The following SV2C variants were observed in gnomAD, a reference collection of about 807,000 sequenced individuals.
The protein encoded by SV2C is solute carrier family 22 member B3.
SV2C carries 49 observed loss-of-function variants against 79.7 expected under a neutral mutation model. That is an observed-to-expected ratio of 0.61 (90% CI 0.49 to 0.78). The LOEUF is 0.78. Ranked by LOEUF, SV2C falls within the 30% of genes least tolerant of loss-of-function variation. The probability of loss-of-function intolerance (pLI) is 0.00; values close to 1 mark genes in which losing one functional copy is unlikely to be tolerated. For missense variants in SV2C, 833 were observed against 912.9 expected, an observed-to-expected ratio of 0.91 and a Z score of 1.13; for synonymous variants, 334 against 333.2, an observed-to-expected ratio of 1.00 and a Z score of -0.03.
chr5:76,340,229 C>T (rs542654874), intron 12 of SV2C, among the ~76,000 whole-genome samples: 1 of 152,206 alleles, frequency 6.6e-6, no homozygotes, highest in Non-Finnish European at 1.5e-5. Context: ...TCCCAGAAAA[C>T]TAATGAATAA....
chr5:76,159,815 G>C (rs537332286), intron 2 of SV2C, among the ~76,000 whole-genome samples: 4 of 152,046 alleles, frequency 2.6e-5, no homozygotes, highest in Non-Finnish European at 5.9e-5. Context: ...TTCTGAGGTA[G>C]TGGGAGTTAA....
In SV2C at chr5:76,342,123, G is replaced by A. The variant is rs561024258; in HGVS notation, c.2001-11007G>A. On this transcript the variant is annotated intron_variant, in intron 12 of 12. Transcript: ENST00000322285. ...GAGGGCCTCTGGCAGCCAGAAAGAG[G>A]AGGAAGGAGAGAAGGAAGGGGAAGT... 5.1e-4 allele frequency among the ~76,000 whole-genome samples: 77 copies of A among 152,288 alleles called. 1 individual carries two copies. The highest frequency in any genetic ancestry group is 1.7e-3 in the African/African-American group (72 of 41,554).
the SV2C span, among the ~76,000 whole-genome samples, chr5:75,950,538 T>C: frequency 1.3e-5 from 2 of 152,062 alleles, no homozygotes; most frequent in African/African-American, 4.8e-5. Flanking sequence ...TAAATACTTA[T>C]TGTAATGATA....
chr5:76,227,394 G>T (rs558490341), intron 4 of SV2C, among the ~76,000 whole-genome samples: 1 of 152,166 alleles, frequency 6.6e-6, no homozygotes, highest in Admixed American at 6.5e-5. Context: ...TGTAGAAGGG[G>T]CATTTCCCCC....
the SV2C span, among the ~76,000 whole-genome samples, chr5:75,968,782 C>T: frequency 2.0e-5 from 3 of 152,168 alleles, no homozygotes; most frequent in South Asian, 2.1e-4. Context: ...CTTCCCCAAC[C>T]TATCAAAGTA....
chr5:76,314,498 G>A (rs1227029542), intron 12 of SV2C, among the ~76,000 whole-genome samples: 1 of 152,178 alleles, frequency 6.6e-6, no homozygotes, highest in Non-Finnish European at 1.5e-5. Context: ...TGCAGTCACT[G>A]CCAGAAAAAT....
the SV2C span, among the ~76,000 whole-genome samples, chr5:75,999,034 C>T: frequency 6.6e-6 from 1 of 152,022 alleles, no homozygotes; most frequent in East Asian, 1.9e-4. Flanking sequence ...AGGAGCAAGT[C>T]ACATCTTACA....
the SV2C span, chr5:75,920,959 C>A: frequency 2.8e-6 from 2 of 718,820 alleles, no homozygotes; most frequent in Admixed American, 1.9e-5. Flanking sequence ...TGGCCCGGCC[C>A]CTGAGGAGGT....
chr5:76,183,680 C>A (rs942162548), intron 2 of SV2C, among the ~76,000 whole-genome samples: 4 of 152,120 alleles, frequency 2.6e-5, no homozygotes, highest in African/African-American at 9.7e-5. Context: ...TTGCCACTCT[C>A]CCCCAACCCA....
the SV2C span, among the ~76,000 whole-genome samples, chr5:75,989,650 G>C: frequency 1.4e-4 from 21 of 151,880 alleles, no homozygotes; most frequent in Admixed American, 9.9e-4. Flanking sequence ...TATATATCTA[G>C]TAATGGGATT....
chr5:76,032,516 C>T, the SV2C span, among the ~76,000 whole-genome samples: 26 of 152,098 alleles, frequency 1.7e-4, no homozygotes, highest in Admixed American at 5.9e-4. Context: ...TTTGTTCTTG[C>T]GATAGTTTAC....
At chr5:76,279,729 A>C (rs1213980481) in intron 4 of SV2C, among the ~76,000 whole-genome samples, 5 of 152,204 alleles carry the variant, frequency 3.3e-5, no homozygotes, top group Non-Finnish European at 7.3e-5. Flanking sequence ...GAACTGAGGA[A>C]TAGCAGTGCA....
At chr5:76,216,264 G>T (rs1315842179) in intron 4 of SV2C, among the ~76,000 whole-genome samples, 1 of 152,080 alleles carries the variant, frequency 6.6e-6, no homozygotes, top group Non-Finnish European at 1.5e-5. Flanking sequence ...ACATCTGAAG[G>T]TTCCCAACAT....
chr5:76,209,667 C>T, intron 3 of SV2C, 69 bp from the exon 4 acceptor site: 1 of 1,510,288 alleles, frequency 6.6e-7, no homozygotes, highest in East Asian at 2.3e-5. Context: ...TTTGCTTTGG[C>T]TCTGCCCTTT....
intron 2 of SV2C, among the ~76,000 whole-genome samples, chr5:76,148,317 T>A (rs1305122239): frequency 6.6e-6 from 1 of 152,252 alleles, no homozygotes. Context: ...TTTATGTGTC[T>A]GGCCAGGGTA....
At chr5:75,856,955 CTTT>C in the SV2C span, among the ~76,000 whole-genome samples, 3 of 128,498 alleles carry the variant, frequency 2.3e-5, no homozygotes, top group Admixed American at 7.8e-5. Context: ...GTCTTTAATC[CTTT>C]TTTTTTTTTT....
chr5:76,202,387 T>C (rs1744478655), intron 3 of SV2C, among the ~76,000 whole-genome samples: 1 of 152,104 alleles, frequency 6.6e-6, no homozygotes, highest in African/African-American at 2.4e-5. Flanking sequence ...TACAGAGAGG[T>C]TAAGTTCCTA....
chr5:75,877,640 G>T, the SV2C span, among the ~76,000 whole-genome samples: 2 of 151,050 alleles, frequency 1.3e-5, no homozygotes, highest in Non-Finnish European at 2.9e-5. Flanking sequence ...CAAATAGGTG[G>T]AAATTAAACA....
chr5:75,941,467 G>T, the SV2C span, among the ~76,000 whole-genome samples: 11 of 152,206 alleles, frequency 7.2e-5, no homozygotes, highest in African/African-American at 2.4e-4. Context: ...GGTATTTGAA[G>T]GATGTACAAA....
Sources: gnomAD v4.1 joint callset for allele counts (sites outside exome capture counted in the v4.1 genomes callset) on GRCh38, gnomAD v4.1.1 for gene constraint, MANE v1.5 for transcripts, NCBI Gene and HGNC (gene_info 2026-07-23, HGNC 2026-07-21) for gene names.